The following SLC4A1 variants were observed in gnomAD, a reference collection of about 807,000 sequenced individuals.
The protein encoded by SLC4A1 is solute carrier family 4 member 1 (Diego blood group).
Under a neutral mutation model 93.1 loss-of-function variants are expected in SLC4A1, and 29 were observed. The observed-to-expected ratio is 0.31, with a 90% CI of 0.23 to 0.42. SLC4A1 has a LOEUF of 0.42. Ranked by LOEUF, SLC4A1 falls within the 20% of genes least tolerant of loss-of-function variation. SLC4A1 has a pLI of 1.00. For missense variants in SLC4A1, 965 were observed against 1,190.1 expected (o/e 0.81, Z 2.78); for synonymous variants, 469 against 497.2 (o/e 0.94, Z 0.76).
intron 1 of SLC4A1, among the ~76,000 whole-genome samples, chr17:44,267,121 C>T (rs527758446): frequency 7.0e-4 from 106 of 152,224 alleles, no homozygotes; most frequent in Non-Finnish European, 1.3e-3. Flanking sequence ...AGCCAGGTTA[C>T]AGCCTGGACT....
Position 44,261,632 on chromosome 17 carries a change from G to C in SLC4A1, c.111C>G (p.His37Gln). 6.2e-7 allele frequency: 1 copy of C among 1,614,116 alleles called. No individual in the cohort carries two copies. The highest frequency in any genetic ancestry group is 8.5e-7 in the Non-Finnish European group (1 of 1,179,990). Reference sequence around the variant, plus strand: ...AGTCTGTGGCTGTTGCCTCGGTGTCGTGAGCTGAAAACCAGAGGTCGGTTA... The same window carrying C: ...AGTCTGTGGCTGTTGCCTCGGTGTCCTGAGCTGAAAACCAGAGGTCGGTTA... Reference protein sequence around the residue: ...PESQMEEPAAHDTEATATDYH... With the variant: ...PESQMEEPAAQDTEATATDYH... The change falls in exon 4 of 20, where the codon CAC (histidine) becomes CAG (glutamine). Residue 37 changes from histidine (H) to glutamine (Q), a missense_variant. Around this residue, in one of 2 missense-constraint regions of SLC4A1, gnomAD observed 195 missense variants for 183.5 expected, o/e 1.06. Coordinates refer to ENST00000262418, the MANE Select transcript of SLC4A1 (RefSeq NM_000342.4).
chr17:44,266,507 C>T (rs185760420), intron 1 of SLC4A1, among the ~76,000 whole-genome samples: 376 of 152,276 alleles, frequency 2.5e-3, no homozygotes, highest in Middle Eastern at 0.024. Context: ...GGCTGAAGGG[C>T]CTTGGGCAGC....
chr17:44,259,376 G>A lies in SLC4A1; in HGVS notation c.695-32C>T, dbSNP rs776249933. On this transcript the variant is annotated intron_variant, in intron 8 of 19. Transcript: ENST00000262418. ...GGGGATGAGAAGATCAGGCCAGGCC[G>A]AGGAGCCCAGGGTGGGTGTGCTGAA... 3.7e-6 allele frequency: 6 copies of A among 1,612,142 alleles called. No individual in the cohort carries two copies. In the African/African-American group the frequency reaches 4.0e-5, roughly 11 times the overall value.
Position 44,257,879 on chromosome 17 carries a change from C to G in SLC4A1, c.1283-72G>C, listed in dbSNP as rs756905695. 3.1e-6 allele frequency: 5 copies of G among 1,607,720 alleles called. No homozygotes were observed. The South Asian group carries it at 5.5e-5, about 18-fold the overall frequency. ...AGGAGCCCATAGAGCAAGTCATGGTCAGGCTGATGCAGGGGTCTGGAGGGT... is the reference window on the plus strand; with the variant it reads ...AGGAGCCCATAGAGCAAGTCATGGTGAGGCTGATGCAGGGGTCTGGAGGGT... On this transcript the variant is annotated intron_variant, in intron 11 of 19. Coordinates refer to ENST00000262418, the MANE Select transcript of SLC4A1 (RefSeq NM_000342.4).
At chr17:44,252,051 T>TG (rs1234192558) in intron 17 of SLC4A1, among the ~76,000 whole-genome samples, 4 of 130,330 alleles carry the variant, frequency 3.1e-5, no homozygotes, top group African/African-American at 1.2e-4. Context: ...ATGGGTCTTT[T>TG]TTTTTTTTTT....
chr17:44,263,047 G>A, intron 1 of SLC4A1, 113 bp from the exon 2 acceptor site: 2 of 860,938 alleles, frequency 2.3e-6, no homozygotes, highest in Non-Finnish European at 3.8e-6. Context: ...GAGGTGGTAG[G>A]GCCAGAGGAA....
intron 6 of SLC4A1, 112 bp downstream of exon 6, chr17:44,260,292 C>G (rs941777856): frequency 1.5e-6 from 2 of 1,357,204 alleles, no homozygotes; most frequent in Non-Finnish European, 2.0e-6. Context: ...GAAAGTGGGC[C>G]CCTGCCTGGT....
intron 1 of SLC4A1, among the ~76,000 whole-genome samples, chr17:44,264,852 G>A (rs559629638): frequency 6.6e-6 from 1 of 152,144 alleles, no homozygotes; most frequent in Admixed American, 6.5e-5. Context: ...CCCCAGACTG[G>A]GTGTGGAGGT....
At position 44,266,624 on chromosome 17, in the gene SLC4A1, A is replaced by T. The variant is rs138937364; in HGVS notation, c.-69+1430T>A. 3.3e-5 allele frequency among the ~76,000 whole-genome samples: 5 copies of T among 152,216 alleles called. No homozygotes were observed. In the East Asian group the frequency reaches 9.7e-4, roughly 29 times the overall value. On this transcript the variant is annotated intron_variant, in intron 1 of 19. Coordinates refer to ENST00000262418, the MANE Select transcript of SLC4A1 (RefSeq NM_000342.4). Reference sequence around the variant, plus strand: ...AAGAGGGGAAAACAGAGGTGCCTTGAGCTCAGTTGGAGACTTACAGGGCGC... The same window carrying T: ...AAGAGGGGAAAACAGAGGTGCCTTGTGCTCAGTTGGAGACTTACAGGGCGC...
chr17:44,261,678 C>T, intron 3 of SLC4A1, 42 bp from the exon 4 acceptor site: 3 of 1,613,954 alleles, frequency 1.9e-6, no homozygotes, highest in Non-Finnish European at 2.5e-6. Flanking sequence ...GACCGTCCCC[C>T]ACCTGAGGCT....
chr17:44,263,719 T>TTCCTTCCTTCCC lies in SLC4A1; in HGVS notation c.-68-786_-68-785insGGGAAGGAAGGA. ...TTCCCTCCCTTCCCTCCTTCCTTCC[T>TTCCTTCCTTCCC]TCCTTCCTTCCTTCCTTCCTCCATC... On this transcript the variant is annotated intron_variant, in intron 1 of 19. Transcript: ENST00000262418. Among the ~76,000 whole-genome samples, 4 of 143,774 alleles carry TTCCTTCCTTCCC rather than the reference T, an allele frequency of 2.8e-5. 1 individual carries two copies. The highest frequency in any genetic ancestry group is 1.1e-4 in the African/African-American group (4 of 35,680). 94.3% of individuals were successfully genotyped at this position (143,774 alleles called of 152,430 possible). A position where few individuals can be genotyped will look rare whatever the true frequency, so the allele number is the denominator to read the frequency against.
rs777164102 is a variant in SLC4A1, at chr17:44,259,114, A to G, written c.876+49T>C. ...GGTTGGAGAGCAGGCCTCAGCCACC[A>G]TGCAGGTCCCAAGCTTCCCCAGCCC... is the stretch of plus-strand genomic sequence containing the variant. On this transcript the variant is annotated intron_variant, in intron 9 of 19. Transcript: ENST00000262418. The G allele has an allele frequency of 8.8e-6, 14 of 1,594,484 alleles. No individual in the cohort carries two copies. The South Asian group carries it at 1.1e-4, about 13-fold the overall frequency.
Position 44,248,924 on chromosome 17 carries a change from A to G in SLC4A1, c.*1534T>C, listed in dbSNP as rs2047316550. The G allele has an allele frequency of 8.2e-6, 2 of 244,590 alleles. No individual in the cohort carries two copies. Among genetic ancestry groups the G allele is most frequent in the South Asian group, 6.6e-5 (2 of 30,186 alleles). 15.2% of individuals were successfully genotyped at this position (244,590 alleles called of 1,614,324 possible). Reference sequence around the variant, plus strand: ...GCCCAGGCTGGAGTGCAGTGGTGCAATCTTGGCTCACTGCAACCTCCACCT... The same window carrying G: ...GCCCAGGCTGGAGTGCAGTGGTGCAGTCTTGGCTCACTGCAACCTCCACCT... On this transcript the variant is annotated 3_prime_UTR_variant, in exon 20 of 20. Coordinates refer to ENST00000262418, the MANE Select transcript of SLC4A1 (RefSeq NM_000342.4).
At chr17:44,263,278 A>G (rs1460130477) in intron 1 of SLC4A1, among the ~76,000 whole-genome samples, 2 of 152,102 alleles carry the variant, frequency 1.3e-5, no homozygotes, top group African/African-American at 4.8e-5. Context: ...GACTCAGCTA[A>G]TACCAGGGGA....
At chr17:44,260,844 A>G (rs2047438032) in intron 4 of SLC4A1, 29 bp from the exon 5 acceptor site, 3 of 1,605,442 alleles carry the variant, frequency 1.9e-6, no homozygotes, top group African/African-American at 1.3e-5. Context: ...GAGTTAGTTC[A>G]TCAGGCATAG....
rs2047409690 is a variant in SLC4A1 at position 44,258,381 on chromosome 17, C to T, written c.1087+32G>A. 2 of 1,606,098 alleles carry T rather than the reference C, an allele frequency of 1.2e-6. No homozygotes were observed. The highest frequency in any genetic ancestry group is 2.2e-5 in the South Asian group (2 of 90,900). On this transcript the variant is annotated intron_variant, in intron 10 of 19. Transcript: ENST00000262418. The surrounding 1 kb of genome is among the most constrained non-coding windows in gnomAD (Gnocchi z 6.1). ...TGAGGTGTCTGGGGGTCGGTGGGGG[C>T]TCAGAAAGCCTCAGCTGGGAAGGGC... is the stretch of plus-strand genomic sequence containing the variant.
At chr17:44,253,428 T>C in intron 16 of SLC4A1, 57 bp from the exon 17 acceptor site, 2 of 1,568,920 alleles carry the variant, frequency 1.3e-6, no homozygotes, top group Non-Finnish European at 1.7e-6. Flanking sequence ...CTCCACCCCC[T>C]CCTTCCTTCT....
intron 13 of SLC4A1, among the ~76,000 whole-genome samples, 165 bp from the exon 14 acceptor site, chr17:44,256,011 A>G (rs1374225932): frequency 1.3e-5 from 2 of 152,098 alleles, no homozygotes; most frequent in African/African-American, 2.4e-5. Context: ...TCCATTATCC[A>G]TTGATCATCC....
chr17:44,255,069 A>G (rs1300481706), intron 15 of SLC4A1, 138 bp downstream of exon 15: 1 of 707,804 alleles, frequency 1.4e-6, no homozygotes, highest in Non-Finnish European at 2.5e-6. Flanking sequence ...TGGGACTCCC[A>G]GAGGAGGCAG....
Sources: allele counts gnomAD v4.1 joint callset (sites outside exome capture counted in the v4.1 genomes callset), GRCh38; gene constraint gnomAD v4.1.1; regional missense constraint gnomAD v4.1.1; non-coding constraint Gnocchi (gnomAD v3.1); transcripts MANE v1.5; gene names NCBI Gene and HGNC (gene_info 2026-07-23, HGNC 2026-07-21).